The following TNFAIP8 variants were observed in gnomAD, a reference collection of about 807,000 sequenced individuals.
TNFAIP8 encodes the protein TNF alpha induced protein 8, also known as tumor necrosis factor alpha-induced protein 8.
A neutral mutation model predicts 13.3 loss-of-function variants in TNFAIP8; 7 were observed. That is an observed-to-expected ratio of 0.52 (90% CI 0.30 to 0.99). TNFAIP8 has a LOEUF of 0.99. Among genes scored for constraint, TNFAIP8 ranks in the 50% least tolerant of loss-of-function variants. The probability of loss-of-function intolerance (pLI) is 0.07; values close to 1 mark genes in which losing one functional copy is unlikely to be tolerated. For synonymous variants in TNFAIP8, 94 were observed against 87.6 expected (o/e 1.07, Z -0.41); for missense variants, 258 against 236.9 (o/e 1.09, Z -0.58).
intron 1 of TNFAIP8, among the ~76,000 whole-genome samples, chr5:119,369,131 G>A (rs1320746464): frequency 6.8e-6 from 1 of 146,616 alleles, no homozygotes; most frequent in Non-Finnish European, 1.5e-5. Context: ...TTGGTTCACT[G>A]CAACCTCTGC....
At chr5:119,288,796 A>C (rs938926673) in intron 1 of TNFAIP8, among the ~76,000 whole-genome samples, 1 of 152,248 alleles carries the variant, frequency 6.6e-6, no homozygotes, top group Admixed American at 6.5e-5. Flanking sequence ...ATTAGACTAA[A>C]TACCAGAATC....
At chr5:119,295,643 G>GT (rs1319753087) in intron 1 of TNFAIP8, among the ~76,000 whole-genome samples, 1 of 152,118 alleles carries the variant, frequency 6.6e-6, no homozygotes, top group African/African-American at 2.4e-5. Flanking sequence ...GAACTTTAAA[G>GT]TAGTTTTTTC....
chr5:119,346,050 A>T (rs758102593), intron 1 of TNFAIP8, among the ~76,000 whole-genome samples: 2 of 152,168 alleles, frequency 1.3e-5, no homozygotes, highest in Non-Finnish European at 2.9e-5. Flanking sequence ...ACCCAAACAC[A>T]TGCTTCTCTC....
At chr5:119,297,068 A>T (rs1032577833) in intron 1 of TNFAIP8, among the ~76,000 whole-genome samples, 1 of 152,014 alleles carries the variant, frequency 6.6e-6, no homozygotes, top group Admixed American at 6.6e-5. Context: ...TGATCCTTTC[A>T]GAAAACCAGC....
intron 1 of TNFAIP8, among the ~76,000 whole-genome samples, chr5:119,370,316 C>T (rs912522759): frequency 6.6e-6 from 1 of 152,130 alleles, no homozygotes; most frequent in African/African-American, 2.4e-5. Context: ...GATTGAGCAA[C>T]AGAGAAACAA....
intron 1 of TNFAIP8, among the ~76,000 whole-genome samples, chr5:119,300,602 T>C (rs2112650946): frequency 6.6e-6 from 1 of 152,316 alleles, no homozygotes; most frequent in Middle Eastern, 3.4e-3. Flanking sequence ...AGGATCTGTT[T>C]TCCAGTCTCA....
At chr5:119,275,080 AG>A (rs150549573) in intron 1 of TNFAIP8, among the ~76,000 whole-genome samples, 121 of 151,956 alleles carry the variant, frequency 8.0e-4, no homozygotes, top group African/African-American at 2.9e-3. Flanking sequence ...AGTTTAAAGA[AG>A]ATTAAAATGA....
At chr5:119,371,332 G>A (rs541434500) in intron 1 of TNFAIP8, among the ~76,000 whole-genome samples, 2 of 152,220 alleles carry the variant, frequency 1.3e-5, no homozygotes, top group South Asian at 4.1e-4. Flanking sequence ...CAGCTTAAAA[G>A]TACTGTATGA....
intron 1 of TNFAIP8, among the ~76,000 whole-genome samples, chr5:119,336,987 G>T (rs750403231): frequency 5.9e-5 from 9 of 152,092 alleles, no homozygotes; most frequent in Non-Finnish European, 1.3e-4. Flanking sequence ...TTGTCCTCTG[G>T]ACACAGGCCA....
chr5:119,279,237 T>C (rs998657206), intron 1 of TNFAIP8, among the ~76,000 whole-genome samples: 1 of 152,130 alleles, frequency 6.6e-6, no homozygotes, highest in African/African-American at 2.4e-5. Context: ...ATTTACACTC[T>C]GGTGGCTCAG....
chr5:119,352,102 C>T (rs1187428462), upstream of TNFAIP8, among the ~76,000 whole-genome samples: 1 of 152,126 alleles, frequency 6.6e-6, no homozygotes, highest in African/African-American at 2.4e-5. Flanking sequence ...ATACCATTTT[C>T]TTAAGGCTAA....
At chr5:119,286,479 G>C (rs1748802659) in intron 1 of TNFAIP8, among the ~76,000 whole-genome samples, 1 of 152,110 alleles carries the variant, frequency 6.6e-6, no homozygotes, top group East Asian at 1.9e-4. Context: ...AAAATTATCT[G>C]GGCATAGTGG....
At chr5:119,307,969 G>C (rs1368684556) in intron 1 of TNFAIP8, among the ~76,000 whole-genome samples, 1 of 152,112 alleles carries the variant, frequency 6.6e-6, no homozygotes, top group South Asian at 2.1e-4. Context: ...ATTTGCTAAA[G>C]AGCCTCATTG....
At chr5:119,362,292 A>G (rs1751664982) in intron 1 of TNFAIP8, among the ~76,000 whole-genome samples, 1 of 152,184 alleles carries the variant, frequency 6.6e-6, no homozygotes, top group African/African-American at 2.4e-5. Context: ...AGAAGTGTGG[A>G]GAGCAGTGAT....
intron 1 of TNFAIP8, among the ~76,000 whole-genome samples, chr5:119,289,233 T>C (rs1489699234): frequency 6.6e-6 from 1 of 152,246 alleles, no homozygotes; most frequent in Non-Finnish European, 1.5e-5. Context: ...CAGACTTGTG[T>C]TCCCAATAGT....
At chr5:119,356,665 G>T (rs1391111179) in intron 1 of TNFAIP8, among the ~76,000 whole-genome samples, 1 of 151,806 alleles carries the variant, frequency 6.6e-6, no homozygotes, top group Non-Finnish European at 1.5e-5. Context: ...GGTTTGAGGG[G>T]GCTGAAAGAT....
At chr5:119,374,040 T>A (rs1562026668) in intron 1 of TNFAIP8, among the ~76,000 whole-genome samples, 1 of 152,104 alleles carries the variant, frequency 6.6e-6, no homozygotes, top group Non-Finnish European at 1.5e-5. Context: ...TTTAGGGGAG[T>A]ATCAGTTTCC....
chr5:119,335,911 TTGCAATTGTGAG>T (rs1469758509), intron 1 of TNFAIP8, among the ~76,000 whole-genome samples: 2 of 151,582 alleles, frequency 1.3e-5, no homozygotes, highest in East Asian at 3.9e-4. Flanking sequence ...GTAATTGTGG[TTGCAATTGTGAG>T]TGAATCCTCA....
intron 1 of TNFAIP8, among the ~76,000 whole-genome samples, chr5:119,315,954 C>T (rs1003223763): frequency 6.6e-6 from 1 of 152,106 alleles, no homozygotes; most frequent in African/African-American, 2.4e-5. Flanking sequence ...AGAGTTTCTT[C>T]ATTGTAGAGC....
Sources: allele counts gnomAD v4.1 joint callset (sites outside exome capture counted in the v4.1 genomes callset), GRCh38; gene constraint gnomAD v4.1.1; transcripts MANE v1.5; gene names NCBI Gene and HGNC (gene_info 2026-07-23, HGNC 2026-07-21).